Variants in PPP2R3A observed in about 807,000 individuals in gnomAD.
PPP2R3A encodes the protein serine/threonine-protein phosphatase 2A regulatory subunit B'' subunit alpha.
PPP2R3A carries 80 observed loss-of-function variants against 106.9 expected under a neutral mutation model. The ratio of observed to expected loss-of-function variants is 0.75; its 90% CI spans 0.62 to 0.90. The LOEUF (loss-of-function observed/expected upper bound fraction) is 0.90. PPP2R3A is among the 40% of genes least tolerant of loss of function. PPP2R3A has a pLI of 0.00. For synonymous variants in PPP2R3A, 483 were observed against 468.3 expected (o/e 1.03, Z -0.41); for missense variants, 1,386 against 1,350.4 (o/e 1.03, Z -0.41).
At chr3:136,132,247 T>TA (rs1938457111) in intron 13 of PPP2R3A, among the ~76,000 whole-genome samples, 3 of 152,190 alleles carry the variant, frequency 2.0e-5, no homozygotes, top group East Asian at 1.9e-4. Context: ...TCAACAATTG[T>TA]AACTGGGGGG....
chr3:136,020,404 C>T (rs1934423962), intron 2 of PPP2R3A, among the ~76,000 whole-genome samples: 1 of 151,968 alleles, frequency 6.6e-6, no homozygotes, highest in Non-Finnish European at 1.5e-5. Flanking sequence ...ATAAATCACA[C>T]TCATAATAGG....
chr3:136,144,819 TCAA>T (rs925982542), intron 13 of PPP2R3A, among the ~76,000 whole-genome samples: 4 of 152,186 alleles, frequency 2.6e-5, no homozygotes, highest in African/African-American at 9.7e-5. Context: ...CGGAACATTT[TCAA>T]CAAATTCTGA....
intron 2 of PPP2R3A, among the ~76,000 whole-genome samples, chr3:136,005,630 GT>G (rs11465079): frequency 3.3e-5 from 5 of 151,572 alleles, no homozygotes; most frequent in East Asian, 1.9e-4. Flanking sequence ...CCTTCACATG[GT>G]TTTTTTTCCC....
At chr3:136,004,080 C>T (rs1048190804) in intron 2 of PPP2R3A, among the ~76,000 whole-genome samples, 1 of 152,162 alleles carries the variant, frequency 6.6e-6, no homozygotes, top group Admixed American at 6.5e-5. Flanking sequence ...TAACAGTAGG[C>T]CTTCAAAGAA....
intron 2 of PPP2R3A, among the ~76,000 whole-genome samples, chr3:136,005,818 A>G (rs1343105075): frequency 1.3e-5 from 2 of 152,220 alleles, no homozygotes; most frequent in Admixed American, 6.5e-5. Flanking sequence ...TTCCCTCACA[A>G]TAACCTGTCT....
At chr3:136,041,686 A>G (rs1206648077) in intron 4 of PPP2R3A, among the ~76,000 whole-genome samples, 1 of 152,154 alleles carries the variant, frequency 6.6e-6, no homozygotes, top group Non-Finnish European at 1.5e-5. Flanking sequence ...TCCAATTTAG[A>G]ATTATATATA....
At chr3:136,111,691 A>G (rs1937594250) in intron 13 of PPP2R3A, among the ~76,000 whole-genome samples, 1 of 152,110 alleles carries the variant, frequency 6.6e-6, no homozygotes, top group Non-Finnish European at 1.5e-5. Context: ...ACCCTGGACT[A>G]GACAGATTCA....
intron 2 of PPP2R3A, among the ~76,000 whole-genome samples, chr3:136,017,550 G>C (rs1468991320): frequency 6.6e-6 from 1 of 152,220 alleles, no homozygotes; most frequent in African/African-American, 2.4e-5. Flanking sequence ...GTGTGGACAA[G>C]GACAGGCTGT....
Position 136,070,589 on chromosome 3 carries a change from T to A in PPP2R3A, c.2544+37T>A. On this transcript the variant is annotated intron_variant, in intron 6 of 13. Transcript: ENST00000264977. ...CATCTTTTTTCTTAATATAACTCCA[T>A]AAGTCACCTTTTTATTACCATCTGC... 4 of 1,528,706 alleles carry A rather than the reference T, an allele frequency of 2.6e-6. No individual in the cohort carries two copies. In the South Asian group the frequency reaches 4.8e-5, roughly 18 times the overall value. 94.7% of individuals were successfully genotyped at this position (1,528,706 alleles called of 1,614,324 possible).
intron 5 of PPP2R3A, 37 bp from the exon 6 acceptor site, chr3:136,070,441 T>A (rs746027410): frequency 5.2e-6 from 8 of 1,538,322 alleles, no homozygotes; most frequent in Non-Finnish European, 3.5e-6. Flanking sequence ...AATTTTTGTA[T>A]GTTTGTTAAT....
intron 2 of PPP2R3A, among the ~76,000 whole-genome samples, chr3:136,019,591 C>T (rs1292435626): frequency 6.6e-6 from 1 of 152,168 alleles, no homozygotes; most frequent in African/African-American, 2.4e-5. Flanking sequence ...GTGCTATATT[C>T]CAGTTGTCAT....
At chr3:135,996,794 A>G (rs1241941573) in intron 1 of PPP2R3A, among the ~76,000 whole-genome samples, 1 of 152,156 alleles carries the variant, frequency 6.6e-6, no homozygotes, top group Non-Finnish European at 1.5e-5. Flanking sequence ...ATTTTCATTA[A>G]CATCTATTTC....
intron 8 of PPP2R3A, among the ~76,000 whole-genome samples, chr3:136,087,152 C>T (rs952412602): frequency 1.3e-5 from 2 of 151,786 alleles, no homozygotes; most frequent in South Asian, 4.2e-4. Context: ...TGCAGTGAGC[C>T]GAGATCACGC....
intron 2 of PPP2R3A, among the ~76,000 whole-genome samples, chr3:136,006,159 GAATCTTATTA>G (rs1467655917): frequency 6.6e-6 from 1 of 152,110 alleles, no homozygotes; most frequent in African/African-American, 2.4e-5. Context: ...ACTGAAATCA[GAATCTTATTA>G]AAAGATTGTC....
intron 8 of PPP2R3A, 42 bp from the exon 9 acceptor site, chr3:136,087,841 G>T (rs1181784967): frequency 1.3e-6 from 2 of 1,525,220 alleles, no homozygotes; most frequent in South Asian, 1.1e-5. Flanking sequence ...TATGGAGCAT[G>T]TTTCTAACTA....
intron 1 of PPP2R3A, among the ~76,000 whole-genome samples, chr3:135,971,326 T>G (rs1937240163): frequency 6.6e-6 from 1 of 152,168 alleles, no homozygotes; most frequent in Admixed American, 6.5e-5. Context: ...GGCTTCTACC[T>G]CGAAGACTTG....
chr3:136,029,977 C>T (rs1449892326), intron 3 of PPP2R3A, among the ~76,000 whole-genome samples: 2 of 152,110 alleles, frequency 1.3e-5, no homozygotes, highest in Admixed American at 6.6e-5. Flanking sequence ...TTTGGGAGGT[C>T]GAGGCAGGAG....
intron 2 of PPP2R3A, among the ~76,000 whole-genome samples, chr3:136,012,941 AC>A (rs778471056): frequency 4.6e-5 from 7 of 151,686 alleles, no homozygotes; most frequent in Non-Finnish European, 1.0e-4. Context: ...TTTATCCCTC[AC>A]CCCCTTCCCA....
rs778310455 is a variant in PPP2R3A at position 136,002,736 on chromosome 3, A to C, written c.1238A>C (p.Glu413Ala). The C allele has an allele frequency of 5.0e-6, 8 of 1,612,862 alleles. No homozygotes were observed. Among genetic ancestry groups the C allele is most frequent in the Non-Finnish European group, 6.8e-6 (8 of 1,179,556 alleles). The change falls in exon 2 of 14, where the codon GAA becomes GCA. Residue 413 changes from glutamate to alanine, a missense_variant. Physicochemically the swap from Glu to Ala is moderately radical, Grantham distance 107. Coordinates refer to ENST00000264977, the MANE Select transcript of PPP2R3A (RefSeq NM_002718.5). ...AATGTTTCTTCTGACGACTTAATGG[A>C]AACTCTTTATATTGAAGAAGAGTCA... ...LENVSSDDLM[E>A]TLYIEEESDG...
Sources: gnomAD v4.1 joint callset for allele counts (sites outside exome capture counted in the v4.1 genomes callset) on GRCh38, gnomAD v4.1.1 for gene constraint, MANE v1.5 for transcripts, NCBI Gene and HGNC (gene_info 2026-07-23, HGNC 2026-07-21) for gene names.